DLG2: variants seen among roughly 807,000 people sequenced by gnomAD.
DLG2 encodes the protein discs large MAGUK scaffold protein 2, also known as disks large homolog 2.
A neutral mutation model predicts 132.5 loss-of-function variants in DLG2; 45 were observed. That is an observed-to-expected ratio of 0.34 (90% CI 0.27 to 0.44). The LOEUF is 0.44. Ranked by LOEUF, DLG2 falls within the 20% of genes least tolerant of loss-of-function variation. DLG2 has a pLI of 1.00. For missense variants in DLG2, 1,045 were observed against 1,196.9 expected (o/e 0.87, Z 1.87); for synonymous variants, 424 against 419.6 (o/e 1.01, Z -0.13).
chr11:83,924,001 C>G (rs1188588389), intron 15 of DLG2, among the ~76,000 whole-genome samples: 1 of 152,080 alleles, frequency 6.6e-6, no homozygotes, highest in Non-Finnish European at 1.5e-5. Flanking sequence ...TAGCCCTCAG[C>G]CACACAGGTA....
At chr11:83,637,138 T>C (rs1405098093) in intron 18 of DLG2, among the ~76,000 whole-genome samples, 1 of 152,144 alleles carries the variant, frequency 6.6e-6, no homozygotes, top group Admixed American at 6.5e-5. Context: ...TTGTGAAATA[T>C]AAGTATGTTT....
intron 16 of DLG2, among the ~76,000 whole-genome samples, chr11:83,850,153 TGTGTGTG>T (rs770925019): frequency 5.7e-4 from 76 of 134,286 alleles, no homozygotes; most frequent in Admixed American, 8.8e-4. Flanking sequence ...TGTGTGTGTG[TGTGTGTG>T]TTTTTTTACT....
At chr11:83,810,844 A>G (rs1041584521) in intron 17 of DLG2, among the ~76,000 whole-genome samples, 3 of 152,072 alleles carry the variant, frequency 2.0e-5, no homozygotes, top group African/African-American at 7.2e-5. Flanking sequence ...GATTATTTAG[A>G]TAGCCTCTGT....
rs1231685631 is a variant in DLG2, at chr11:83,850,111, A to G, written c.1566-16341T>C. Among the ~76,000 whole-genome samples, 7 of 132,438 alleles carry G rather than the reference A, an allele frequency of 5.3e-5. No individual in the cohort carries two copies. In the East Asian group the frequency reaches 1.6e-3, roughly 30 times the overall value. 86.9% of individuals were successfully genotyped at this position (132,438 alleles called of 152,430 possible). On this transcript the variant is annotated intron_variant, in intron 16 of 27. Coordinates refer to ENST00000376104, the MANE Select transcript of DLG2 (RefSeq NM_001142699.3). ...TTATAATAACATTCATTCATCCGTA[A>G]CATTTGGGGTAAGTGTGTGTGTGTG...
At chr11:84,226,656 C>T (rs1048768729) in intron 8 of DLG2, among the ~76,000 whole-genome samples, 2 of 152,124 alleles carry the variant, frequency 1.3e-5, no homozygotes, top group Non-Finnish European at 2.9e-5. Flanking sequence ...TTGTTTAATC[C>T]TTTTAACTAT....
chr11:84,105,698 C>T (rs962167829), intron 9 of DLG2, among the ~76,000 whole-genome samples: 1 of 151,922 alleles, frequency 6.6e-6, no homozygotes, highest in Non-Finnish European at 1.5e-5. Flanking sequence ...TAAAAAACAG[C>T]TAGATAAAAA....
intron 11 of DLG2, among the ~76,000 whole-genome samples, chr11:84,055,230 C>G (rs1945813): frequency 6.6e-6 from 1 of 151,532 alleles, no homozygotes; most frequent in African/African-American, 2.4e-5. Context: ...CCTTGAAACA[C>G]CACCATATAT....
At chr11:84,958,294 G>A (rs571132663) in intron 6 of DLG2, among the ~76,000 whole-genome samples, 8 of 152,202 alleles carry the variant, frequency 5.3e-5, no homozygotes, top group East Asian at 3.9e-4. Context: ...CAAATTCTAC[G>A]GAGAAAGAGT....
chr11:84,323,975 A>G (rs1260514000), intron 7 of DLG2, among the ~76,000 whole-genome samples: 1 of 151,976 alleles, frequency 6.6e-6, no homozygotes, highest in East Asian at 1.9e-4. Context: ...TATCAAGTAT[A>G]TACTTCGCAA....
intron 3 of DLG2, among the ~76,000 whole-genome samples, chr11:85,342,400 T>C (rs1341899211): frequency 6.6e-6 from 1 of 152,220 alleles, no homozygotes; most frequent in African/African-American, 2.4e-5. Flanking sequence ...ATCATCAATG[T>C]CACTGTCTTC....
intron 20 of DLG2, among the ~76,000 whole-genome samples, chr11:83,541,320 A>G (rs2096061745): frequency 6.6e-6 from 1 of 152,130 alleles, no homozygotes; most frequent in East Asian, 1.9e-4. Context: ...TTTCTATAAC[A>G]TTCATTGGTA....
At chr11:84,956,629 T>G (rs192303949) in intron 6 of DLG2, among the ~76,000 whole-genome samples, 1 of 152,192 alleles carries the variant, frequency 6.6e-6, no homozygotes, top group African/African-American at 2.4e-5. Flanking sequence ...ATGAGAATAG[T>G]AGCCTTGGCC....
chr11:84,099,125 T>C (rs2092153360), intron 9 of DLG2, 78 bp from the exon 10 acceptor site: 13 of 1,303,076 alleles, frequency 1.0e-5, no homozygotes, highest in South Asian at 4.9e-5. Flanking sequence ...TGCATTATCA[T>C]GTTACTACTC....
At chr11:84,819,791 GC>G (rs1566050303) in intron 6 of DLG2, among the ~76,000 whole-genome samples, 2 of 151,408 alleles carry the variant, frequency 1.3e-5, no homozygotes, top group South Asian at 2.1e-4. Flanking sequence ...AGTGGCAGCA[GC>G]TGAATTCCAC....
intron 7 of DLG2, among the ~76,000 whole-genome samples, chr11:84,296,934 A>G (rs1380066454): frequency 6.6e-6 from 1 of 152,148 alleles, no homozygotes; most frequent in Non-Finnish European, 1.5e-5. Flanking sequence ...TCATGAAAGT[A>G]TTAGAGAAAG....
At chr11:83,572,557 T>C (rs183511614) in intron 19 of DLG2, among the ~76,000 whole-genome samples, 10 of 152,226 alleles carry the variant, frequency 6.6e-5, no homozygotes, top group African/African-American at 2.4e-4. Context: ...TTCAAGGCAA[T>C]TGAATACTCA....
rs766714754 is a variant in DLG2, at chr11:84,865,742, G to C, written c.357+245919C>G. Among the ~76,000 whole-genome samples the C allele has an allele frequency of 2.6e-5, 4 of 152,272 alleles. No homozygotes were observed. The South Asian group carries it at 8.3e-4, about 32-fold the overall frequency. On this transcript the variant is annotated intron_variant, in intron 6 of 27. Coordinates refer to ENST00000376104, the MANE Select transcript of DLG2 (RefSeq NM_001142699.3). ...AACAATCTTCAATGCTCTTATATGT[G>C]AATTAGCCATCAAAGCTGAAAATGT...
At chr11:83,540,362 G>A (rs2096027811) in intron 20 of DLG2, among the ~76,000 whole-genome samples, 1 of 152,170 alleles carries the variant, frequency 6.6e-6, no homozygotes, top group Non-Finnish European at 1.5e-5. Context: ...CCCTGGAAAA[G>A]CAATGTTAGG....
In DLG2 at chr11:83,747,310, TCCTTCCTTCCTTCCTTCCTG is replaced by T. The variant is rs1309869771; in HGVS notation, c.1825+39360_1825+39379del. ...TTCCTTCCTTCCTTCCTTCCTTCCT[TCCTTCCTTCCTTCCTTCCTG>T]CCTTCCTTCCTGCCTTCCTTCCTGC... is the stretch of plus-strand genomic sequence containing the variant. On this transcript the variant is annotated intron_variant, in intron 18 of 27. Transcript: ENST00000376104. Among the ~76,000 whole-genome samples, 1,168 of 148,982 alleles carry T rather than the reference TCCTTCCTTCCTTCCTTCCTG, an allele frequency of 7.8e-3. 13 individuals are homozygous for T. The highest frequency in any genetic ancestry group is 0.014 in the Middle Eastern group (4 of 286).
Sources: allele counts gnomAD v4.1 joint callset (sites outside exome capture counted in the v4.1 genomes callset), GRCh38; gene constraint gnomAD v4.1.1; transcripts MANE v1.5; gene names NCBI Gene and HGNC (gene_info 2026-07-23, HGNC 2026-07-21).